The following THSD4 variants were observed in gnomAD, a reference collection of about 807,000 sequenced individuals.
The protein encoded by THSD4 is thrombospondin type 1 domain containing 4.
THSD4 carries 69 observed loss-of-function variants against 119.0 expected under a neutral mutation model. That is an observed-to-expected ratio of 0.58 (90% CI 0.48 to 0.71). The LOEUF (loss-of-function observed/expected upper bound fraction) is 0.71, where lower values mean the gene tolerates loss of function less well. Among genes scored for constraint, THSD4 ranks in the 30% least tolerant of loss-of-function variants. THSD4 has a pLI of 0.00. For synonymous variants in THSD4, 524 were observed against 540.4 expected, an observed-to-expected ratio of 0.97 and a Z score of 0.42; for missense variants, 1,393 against 1,391.1, an observed-to-expected ratio of 1.00 and a Z score of -0.02.
intron 3 of THSD4, among the ~76,000 whole-genome samples, chr15:71,168,177 A>G (rs1391944722): frequency 1.3e-5 from 2 of 152,248 alleles, no homozygotes; most frequent in Non-Finnish European, 2.9e-5. Context: ...TGAAACCAAG[A>G]GTAGGAAAAA....
intron 4 of THSD4, among the ~76,000 whole-genome samples, chr15:71,224,207 G>A (rs2043996388): frequency 6.6e-6 from 1 of 152,192 alleles, no homozygotes; most frequent in African/African-American, 2.4e-5. Flanking sequence ...TTCATAAATG[G>A]TTTGGTGAGG....
chr15:71,494,672 C>T (rs1206095924), intron 7 of THSD4, among the ~76,000 whole-genome samples: 1 of 151,958 alleles, frequency 6.6e-6, no homozygotes, highest in Non-Finnish European at 1.5e-5. Context: ...CTTTATAAAC[C>T]ATTACCAAAT....
chr15:71,142,213 C>A (rs946852442), intron 2 of THSD4, among the ~76,000 whole-genome samples: 1 of 151,982 alleles, frequency 6.6e-6, no homozygotes, highest in Admixed American at 6.5e-5. Context: ...TTTTAAAATT[C>A]AATCTTTATA....
intron 8 of THSD4, among the ~76,000 whole-genome samples, chr15:71,671,101 A>G (rs1225945526): frequency 6.6e-6 from 1 of 152,202 alleles, no homozygotes; most frequent in Non-Finnish European, 1.5e-5. Flanking sequence ...AGTCCCACCA[A>G]CAGTGTAAAA....
At chr15:71,658,802 A>G (rs573275989) in intron 7 of THSD4, among the ~76,000 whole-genome samples, 1 of 152,338 alleles carries the variant, frequency 6.6e-6, no homozygotes, top group Non-Finnish European at 1.5e-5. Context: ...ATGTTCTATT[A>G]CTGTCAGAGA....
intron 6 of THSD4, among the ~76,000 whole-genome samples, chr15:71,275,991 C>A (rs895597765): frequency 1.3e-5 from 2 of 152,220 alleles, no homozygotes; most frequent in African/African-American, 4.8e-5. Context: ...TGAGAACGGA[C>A]TAATACACTG....
rs1210856261 is a variant in THSD4, at chr15:71,532,283, A to AGT, written c.1152+120508_1152+120509dup. Among the ~76,000 whole-genome samples the AGT allele has an allele frequency of 9.5e-3, 965 of 101,612 alleles. 16 individuals are homozygous for AGT. The highest frequency in any genetic ancestry group is 0.016 in the Middle Eastern group (3 of 184). The allele number at this position is 101,612 out of a possible 152,430, so 66.7% of individuals were successfully genotyped here. A position where few individuals can be genotyped will look rare whatever the true frequency, so the allele number is the denominator to read the frequency against. ...AAGGGTGAGAGAGAGAGAGAGAGAG[A>AGT]GTGTGTGTGTGTGTGTGTGTGTGTG... On this transcript the variant is annotated intron_variant, in intron 7 of 17. Transcript: ENST00000261862.
chr15:71,522,686 A>C (rs1338866019), intron 7 of THSD4, among the ~76,000 whole-genome samples: 1 of 152,250 alleles, frequency 6.6e-6, no homozygotes, highest in East Asian at 1.9e-4. Flanking sequence ...CAAGGAGAGC[A>C]AGCCAACCCA....
chr15:71,555,182 C>T (rs577147235), intron 7 of THSD4, among the ~76,000 whole-genome samples: 16 of 152,212 alleles, frequency 1.1e-4, no homozygotes, highest in African/African-American at 3.4e-4. Flanking sequence ...ACTGAATTGG[C>T]GGGTCATGGA....
rs1007078431 is a variant in THSD4, at chr15:71,409,896, T to TG, written c.1016-1791_1016-1790insG. On this transcript the variant is annotated intron_variant, in intron 6 of 17. Transcript: ENST00000261862. ...CTTGTCTCCAAAACAGTTTTTTTTT[T>TG]TTTGTTTTTTTTACATACAGTGTGT... 9.5e-4 allele frequency among the ~76,000 whole-genome samples: 144 copies of TG among 151,936 alleles called. 1 individual carries two copies. The highest frequency in any genetic ancestry group is 3.9e-3 in the Admixed American group (59 of 15,266).
intron 1 of THSD4, among the ~76,000 whole-genome samples, chr15:71,099,352 G>A (rs1399455384): frequency 2.0e-5 from 3 of 152,182 alleles, no homozygotes; most frequent in African/African-American, 4.8e-5. Flanking sequence ...TATACTATCA[G>A]TTACTGAGGG....
At chr15:71,544,611 G>C (rs1482050951) in intron 7 of THSD4, among the ~76,000 whole-genome samples, 1 of 152,174 alleles carries the variant, frequency 6.6e-6, no homozygotes, top group Non-Finnish European at 1.5e-5. Flanking sequence ...TTCTCAAAAA[G>C]TTAAACATAG....
At chr15:71,181,722 T>C (rs1385805961) in intron 3 of THSD4, among the ~76,000 whole-genome samples, 1 of 152,214 alleles carries the variant, frequency 6.6e-6, no homozygotes, top group Non-Finnish European at 1.5e-5. Context: ...CTACCAACTC[T>C]CTCCTGTGGA....
intron 6 of THSD4, among the ~76,000 whole-genome samples, chr15:71,276,702 A>G (rs758849031): frequency 2.6e-5 from 4 of 152,250 alleles, no homozygotes; most frequent in African/African-American, 9.6e-5. Context: ...AATGTTTACA[A>G]TATTTCATTA....
intron 7 of THSD4, among the ~76,000 whole-genome samples, chr15:71,536,913 C>G (rs1386614121): frequency 6.6e-6 from 1 of 152,104 alleles, no homozygotes; most frequent in Non-Finnish European, 1.5e-5. Context: ...ATGTAGCCTA[C>G]TTTTGTCTTA....
At chr15:71,322,569 G>A (rs977461204) in intron 6 of THSD4, among the ~76,000 whole-genome samples, 2 of 152,158 alleles carry the variant, frequency 1.3e-5, no homozygotes, top group African/African-American at 4.8e-5. Flanking sequence ...ATCTTAAAAC[G>A]TTTCTATAGG....
At chr15:71,650,833 C>T (rs539999078) in intron 7 of THSD4, among the ~76,000 whole-genome samples, 2 of 152,202 alleles carry the variant, frequency 1.3e-5, no homozygotes, top group African/African-American at 2.4e-5. Flanking sequence ...TTGCTCCACA[C>T]CGCCTCCTGT....
intron 7 of THSD4, among the ~76,000 whole-genome samples, chr15:71,474,932 C>T (rs1323776760): frequency 2.0e-5 from 3 of 152,166 alleles, no homozygotes; most frequent in African/African-American, 4.8e-5. Context: ...TTTCAAAGTG[C>T]GGTTGCAGGA....
chr15:71,499,272 T>C (rs1216048277), intron 7 of THSD4, among the ~76,000 whole-genome samples: 1 of 152,084 alleles, frequency 6.6e-6, no homozygotes, highest in Non-Finnish European at 1.5e-5. Flanking sequence ...GTTCAATCCT[T>C]CCTCCACGGC....
Sources: gnomAD v4.1 joint callset for allele counts (sites outside exome capture counted in the v4.1 genomes callset) on GRCh38, gnomAD v4.1.1 for gene constraint, MANE v1.5 for transcripts, NCBI Gene and HGNC (gene_info 2026-07-23, HGNC 2026-07-21) for gene names.